The following MEGF6 variants were observed in gnomAD, a reference collection of about 807,000 sequenced individuals.
The protein encoded by MEGF6 is multiple EGF like domains 6.
Under a neutral mutation model 207.1 loss-of-function variants are expected in MEGF6, and 184 were observed. The ratio of observed to expected loss-of-function variants is 0.89; its 90% CI spans 0.79 to 1.00. The LOEUF is 1.00. Among genes scored for constraint, MEGF6 ranks in the 50% least tolerant of loss-of-function variants. The pLI is 0.00. For synonymous variants in MEGF6, 1,038 were observed against 910.0 expected (o/e 1.14, Z -2.53); for missense variants, 2,282 against 2,202.9 (o/e 1.04, Z -0.72).
chr1:3,619,944 C>G, the MEGF6 span, among the ~76,000 whole-genome samples: 1 of 152,112 alleles, frequency 6.6e-6, no homozygotes, highest in Non-Finnish European at 1.5e-5. Flanking sequence ...TGGTTCTGAC[C>G]GAAATGCTGA....
intron 4 of MEGF6, among the ~76,000 whole-genome samples, chr1:3,571,836 G>A (rs1426347418): frequency 3.4e-5 from 5 of 148,738 alleles, no homozygotes; most frequent in Non-Finnish European, 7.4e-5. Flanking sequence ...GGGTGTGCTA[G>A]GTCCTCCTGG....
rs550889896 is a variant in MEGF6 at position 3,509,138 on chromosome 1, C to T, written c.1465G>A (p.Asp489Asn). ...DELPQLFQDDDVGADEEEAEL... is the reference protein window; with the variant it reads ...DELPQLFQDDNVGADEEEAEL... Reference sequence around the variant, plus strand: ...GCCTCTTCCTCATCGGCCCCGACGTCGTCATCCTGGAAGAGTTGCGGCAGC... The same window carrying T: ...GCCTCTTCCTCATCGGCCCCGACGTTGTCATCCTGGAAGAGTTGCGGCAGC... Residue 489 changes from aspartate to asparagine, a missense_variant, in exon 12 of 37, where the codon GAC becomes AAC. Physicochemically the swap from Asp to Asn is conservative, Grantham distance 23 (BLOSUM62 1). Coordinates refer to ENST00000356575, the MANE Select transcript of MEGF6 (RefSeq NM_001409.4). 117 of 1,598,368 alleles carry T rather than the reference C, an allele frequency of 7.3e-5. No individual in the cohort carries two copies. The highest frequency in any genetic ancestry group is 1.7e-4 in the Admixed American group (10 of 58,198).
In MEGF6 at chr1:3,501,705, C is replaced by T. The variant is rs907656368; in HGVS notation, c.2314+91G>A. ...ACCTGCTATAGACGGGCCTGGGATCCGCAGGGCTGGGGCCCCCACAGTTCA... is the reference window on the plus strand; with the variant it reads ...ACCTGCTATAGACGGGCCTGGGATCTGCAGGGCTGGGGCCCCCACAGTTCA... On this transcript the variant is annotated intron_variant, in intron 18 of 36. Transcript: ENST00000356575. 8.5e-5 allele frequency: 127 copies of T among 1,492,250 alleles called. 1 individual carries two copies. Among genetic ancestry groups the T allele is most frequent in the Admixed American group, 1.2e-4 (5 of 41,318 alleles). The allele number at this position is 1,492,250 out of a possible 1,614,324, so 92.4% of individuals were successfully genotyped here.
chr1:3,528,932 G>A (rs1032416255), intron 4 of MEGF6, among the ~76,000 whole-genome samples: 1 of 152,196 alleles, frequency 6.6e-6, no homozygotes, highest in East Asian at 1.9e-4. Flanking sequence ...CCGCACCCAC[G>A]GGGCACAACT....
chr1:3,494,861 G>A, intron 30 of MEGF6, 120 bp from the exon 31 acceptor site: 2 of 1,389,398 alleles, frequency 1.4e-6, no homozygotes, highest in Non-Finnish European at 1.9e-6. Flanking sequence ...ATCAGTGCCA[G>A]TCTCTGCCTG....
chr1:3,605,092 TCACACTCAATCA>T (rs1378084868), intron 1 of MEGF6, among the ~76,000 whole-genome samples: 1 of 148,228 alleles, frequency 6.7e-6, no homozygotes. Context: ...ACACACAAAC[TCACACTCAATCA>T]CACACATTCA....
Position 3,611,305 on chromosome 1 carries a change from A to C in MEGF6, c.-37T>G. Reference sequence around the variant, plus strand: ...GTGCCTCCTCCGCTCTCCGGCTCACAGGCGGCCCCGGCGGCTCCCCGGAGC... The same window carrying C: ...GTGCCTCCTCCGCTCTCCGGCTCACCGGCGGCCCCGGCGGCTCCCCGGAGC... On this transcript the variant is annotated 5_prime_UTR_variant, in exon 1 of 37. Transcript: ENST00000356575. 4 of 1,413,946 alleles carry C rather than the reference A, an allele frequency of 2.8e-6. No homozygotes were observed. The highest frequency in any genetic ancestry group is 3.7e-6 in the Non-Finnish European group (4 of 1,090,372). The allele number at this position is 1,413,946 out of a possible 1,614,324, so 87.6% of individuals were successfully genotyped here.
At chr1:3,506,067 C>T (rs1352712330) in intron 15 of MEGF6, 41 bp downstream of exon 15, 2 of 1,548,716 alleles carry the variant, frequency 1.3e-6, no homozygotes, top group East Asian at 4.8e-5. Context: ...CTTCCACCCG[C>T]TGCCACCACC....
At position 3,556,500 on chromosome 1, in the gene MEGF6, C is replaced by T. The variant is rs999145282; in HGVS notation, c.481+23325G>A. ...GCAAGAGACGCCCTGGGCCTCCTCTCGGCCGCCCACCAGGTTTTCTGCCTG... is the reference window on the plus strand; with the variant it reads ...GCAAGAGACGCCCTGGGCCTCCTCTTGGCCGCCCACCAGGTTTTCTGCCTG... On this transcript the variant is annotated intron_variant, in intron 4 of 36. Transcript: ENST00000356575. The surrounding 1 kb of genome is among the most constrained non-coding windows in gnomAD (Gnocchi z 4.4). 3.9e-5 allele frequency among the ~76,000 whole-genome samples: 6 copies of T among 152,130 alleles called. No homozygotes were observed. Among genetic ancestry groups the T allele is most frequent in the South Asian group, 4.1e-4 (2 of 4,826 alleles).
Position 3,515,692 on chromosome 1 carries a change from T to A in MEGF6, c.605-165A>T, listed in dbSNP as rs1641518060. Reference sequence around the variant, plus strand: ...CCTTTTCATCTCCATCGTCACACGCTGCTCCCTGCCCGGCTCACAGGCCTG... The same window carrying A: ...CCTTTTCATCTCCATCGTCACACGCAGCTCCCTGCCCGGCTCACAGGCCTG... On this transcript the variant is annotated intron_variant, in intron 5 of 36. Coordinates refer to ENST00000356575, the MANE Select transcript of MEGF6 (RefSeq NM_001409.4). Among the ~76,000 whole-genome samples the A allele has an allele frequency of 2.6e-5, 4 of 152,214 alleles. No individual in the cohort carries two copies. The South Asian group carries it at 8.3e-4, about 31-fold the overall frequency.
At chr1:3,540,116 C>CAGT (rs1276810676) in intron 4 of MEGF6, among the ~76,000 whole-genome samples, 2 of 152,242 alleles carry the variant, frequency 1.3e-5, no homozygotes. Context: ...TGGTTCTAGG[C>CAGT]AGTCAGAGAA....
Position 3,497,322 on chromosome 1 carries a change from C to T in MEGF6, c.3392G>A (p.Arg1131His), listed in dbSNP as rs1011201154. ...RGWFGEACAQ[R>H]CSCPPGAACH... is the part of the protein sequence containing the mutation. Reference sequence around the variant, plus strand: ...GGCAGCGCCAGGCGGGCAGCTGCAGCGCTGGGCACAGGCCTCTCCAAACCA... The same window carrying T: ...GGCAGCGCCAGGCGGGCAGCTGCAGTGCTGGGCACAGGCCTCTCCAAACCA... Residue 1131 changes from arginine (R) to histidine (H), a missense_variant, in exon 27 of 37, where the codon CGC (arginine) becomes CAC (histidine). Transcript: ENST00000356575. 8.4e-6 allele frequency: 13 copies of T among 1,553,268 alleles called. No homozygotes were observed. The highest frequency in any genetic ancestry group is 4.2e-5 in the Admixed American group (2 of 47,460).
chr1:3,496,894 C>A lies in MEGF6; in HGVS notation c.3613+94G>T, dbSNP rs1003554126. 35 of 1,523,384 alleles carry A rather than the reference C, an allele frequency of 2.3e-5. No individual in the cohort carries two copies. In the South Asian group the frequency reaches 2.3e-4, roughly 10 times the overall value. The allele number at this position is 1,523,384 out of a possible 1,614,324, so 94.4% of individuals were successfully genotyped here. A position where few individuals can be genotyped will look rare whatever the true frequency, so the allele number is the denominator to read the frequency against. ...CCCCACACCCTCCATCTTCCACCCC[C>A]TCAGATGAGGGCCTTCCCGGGGACC... On this transcript the variant is annotated intron_variant, in intron 28 of 36. Coordinates refer to ENST00000356575, the MANE Select transcript of MEGF6 (RefSeq NM_001409.4).
chr1:3,615,436 T>C (rs982125832), upstream of MEGF6, among the ~76,000 whole-genome samples: 9 of 152,196 alleles, frequency 5.9e-5, no homozygotes, highest in East Asian at 5.8e-4. Context: ...CAGAGACCTG[T>C]TGGGTTACAG....
intron 4 of MEGF6, among the ~76,000 whole-genome samples, chr1:3,550,276 G>A (rs555468500): frequency 2.2e-4 from 33 of 152,342 alleles, no homozygotes; most frequent in Non-Finnish European, 1.8e-4. Flanking sequence ...GAGGCCACCC[G>A]GGTGCCCACC....
chr1:3,575,735 G>A (rs1643625043), intron 4 of MEGF6, among the ~76,000 whole-genome samples: 2 of 152,164 alleles, frequency 1.3e-5, no homozygotes, highest in African/African-American at 4.8e-5. Flanking sequence ...CACGAGAACA[G>A]CACGGGAAAG....
rs200058458 is a variant in MEGF6, at chr1:3,512,184, G to A, written c.854-56C>T. The A allele has an allele frequency of 2.8e-3, 4,299 of 1,547,594 alleles. 9 individuals carry two copies. The highest frequency in any genetic ancestry group is 3.4e-3 in the Non-Finnish European group (3,904 of 1,142,660). ...GAGGTGCCAGGAAGGGCCTTTGCAT[G>A]GGACCAGTGGAAGACAGTGCACGGC... is the stretch of plus-strand genomic sequence containing the variant. On this transcript the variant is annotated intron_variant, in intron 7 of 36. Transcript: ENST00000356575.
chr1:3,559,522 T>TAAA (rs59799522), intron 4 of MEGF6, among the ~76,000 whole-genome samples: 66 of 105,512 alleles, frequency 6.3e-4, no homozygotes, highest in Non-Finnish European at 9.5e-4. Flanking sequence ...CCTTGTCTCT[T>TAAA]AAAAAAAAAA....
chr1:3,535,300 A>G (rs970486594), intron 4 of MEGF6, among the ~76,000 whole-genome samples: 3 of 152,264 alleles, frequency 2.0e-5, no homozygotes, highest in African/African-American at 7.2e-5. Flanking sequence ...CAACAAGTTC[A>G]GGCAAAGGAA....
Sources: allele counts gnomAD v4.1 joint callset (sites outside exome capture counted in the v4.1 genomes callset), GRCh38; gene constraint gnomAD v4.1.1; non-coding constraint Gnocchi (gnomAD v3.1); transcripts MANE v1.5; gene names NCBI Gene and HGNC (gene_info 2026-07-23, HGNC 2026-07-21).